GPR158: variants seen among roughly 807,000 people sequenced by gnomAD.
The protein encoded by GPR158 is metabotropic glycine receptor.
GPR158 carries 30 observed loss-of-function variants against 78.2 expected under a neutral mutation model. The observed-to-expected ratio is 0.38, with a 90% CI of 0.29 to 0.52. The LOEUF is 0.52. GPR158 is among the 20% of genes least tolerant of loss of function. The probability of loss-of-function intolerance (pLI) is 0.83; values close to 1 mark genes in which losing one functional copy is unlikely to be tolerated. For missense variants in GPR158, 1,463 were observed against 1,523.5 expected (o/e 0.96, Z 0.66); for synonymous variants, 581 against 591.1 (o/e 0.98, Z 0.25).
At chr10:25,429,159 A>G (rs1172084594) in intron 4 of GPR158, among the ~76,000 whole-genome samples, 1 of 152,072 alleles carries the variant, frequency 6.6e-6, no homozygotes, top group Non-Finnish European at 1.5e-5. Flanking sequence ...CTACTAGCCA[A>G]TTCTCAGGAA....
chr10:25,444,997 T>A (rs1358997638), intron 4 of GPR158, among the ~76,000 whole-genome samples: 1 of 152,116 alleles, frequency 6.6e-6, no homozygotes, highest in African/African-American at 2.4e-5. Flanking sequence ...TATTAATTAG[T>A]TGGGGGTAAA....
intron 2 of GPR158, among the ~76,000 whole-genome samples, chr10:25,343,656 C>G (rs1191687801): frequency 1.3e-5 from 2 of 151,884 alleles, no homozygotes; most frequent in Non-Finnish European, 2.9e-5. Flanking sequence ...GACTTAATCC[C>G]CAAAATGTTT....
At chr10:25,388,762 C>A (rs930289596) in intron 2 of GPR158, among the ~76,000 whole-genome samples, 1 of 152,230 alleles carries the variant, frequency 6.6e-6, no homozygotes, top group Non-Finnish European at 1.5e-5. Context: ...GTTGTGGCTG[C>A]AGACCCAGGC....
chr10:25,474,703 T>C (rs1378329849), intron 5 of GPR158, among the ~76,000 whole-genome samples: 1 of 152,126 alleles, frequency 6.6e-6, no homozygotes, highest in Admixed American at 6.6e-5. Context: ...TCTGCAGCAA[T>C]TAGCCCAGTG....
intron 5 of GPR158, among the ~76,000 whole-genome samples, chr10:25,502,065 C>T (rs371195693): frequency 5.9e-5 from 9 of 152,248 alleles, no homozygotes; most frequent in South Asian, 2.1e-4. Flanking sequence ...CTAGAAAACA[C>T]GCCCAGTGCC....
At chr10:25,260,079 T>A (rs1412900432) in intron 2 of GPR158, among the ~76,000 whole-genome samples, 1 of 152,180 alleles carries the variant, frequency 6.6e-6, no homozygotes, top group Non-Finnish European at 1.5e-5. Flanking sequence ...TGAATACAAG[T>A]AATAAGAATA....
At chr10:25,272,886 T>A (rs1854135990) in intron 2 of GPR158, among the ~76,000 whole-genome samples, 1 of 152,184 alleles carries the variant, frequency 6.6e-6, no homozygotes, top group Admixed American at 6.5e-5. Flanking sequence ...TCAGAACTCC[T>A]TTGAACCAAG....
In GPR158 at chr10:25,463,214, T is replaced by G. The variant is rs146962719; in HGVS notation, c.1336-3437T>G. Among the ~76,000 whole-genome samples the G allele has an allele frequency of 6.9e-3, 1,053 of 152,354 alleles. 7 individuals carry two copies. Among genetic ancestry groups the G allele is most frequent in the African/African-American group, 8.6e-3 (356 of 41,592 alleles). On this transcript the variant is annotated intron_variant, in intron 4 of 10. Coordinates refer to ENST00000376351, the MANE Select transcript of GPR158 (RefSeq NM_020752.3). ...GCATTTTTTAGCCATAAAGTATTTT[T>G]TTCCTTAAGGCAAGTACATTATTTT...
intron 4 of GPR158, among the ~76,000 whole-genome samples, chr10:25,429,753 C>T (rs1834873064): frequency 6.9e-6 from 1 of 144,780 alleles, no homozygotes; most frequent in South Asian, 2.3e-4. Flanking sequence ...GAACCAAAGA[C>T]AAAAACCACA....
At chr10:25,206,912 G>T (rs567496537) in intron 1 of GPR158, among the ~76,000 whole-genome samples, 1 of 150,226 alleles carries the variant, frequency 6.7e-6, no homozygotes, top group Non-Finnish European at 1.5e-5. Flanking sequence ...AAGACGTAAG[G>T]CTCCTAGATC....
chr10:25,594,648 T>C (rs1385075723), intron 9 of GPR158, among the ~76,000 whole-genome samples: 2 of 152,192 alleles, frequency 1.3e-5, no homozygotes, highest in African/African-American at 2.4e-5. Context: ...ATGTCTAGTA[T>C]GTTTTAATTA....
intron 4 of GPR158, among the ~76,000 whole-genome samples, chr10:25,432,684 C>T (rs1312734274): frequency 6.6e-6 from 1 of 152,126 alleles, no homozygotes; most frequent in Non-Finnish European, 1.5e-5. Context: ...TTATTATGTC[C>T]TAAGCACCAG....
chr10:25,353,200 T>C (rs1335894384), intron 2 of GPR158, among the ~76,000 whole-genome samples: 1 of 152,042 alleles, frequency 6.6e-6, no homozygotes, highest in Non-Finnish European at 1.5e-5. Context: ...TCCAATTTTT[T>C]ATTTAATAGT....
At position 25,176,091 on chromosome 10, in the gene GPR158, A is replaced by C; in HGVS notation, c.671A>C (p.His224Pro). The C allele has an allele frequency of 6.3e-7, 1 of 1,591,356 alleles. No homozygotes were observed. Among genetic ancestry groups the C allele is most frequent in the Non-Finnish European group, 8.5e-7 (1 of 1,169,744 alleles). ...ANATLETEWFHGLRRKWRPHL... is the reference protein window; with the variant it reads ...ANATLETEWFPGLRRKWRPHL... ...GCCACTCTGGAGACCGAGTGGTTCCACGGCCTCCGGCGCAAGTGGAGGCCC... is the reference window on the plus strand; with the variant it reads ...GCCACTCTGGAGACCGAGTGGTTCCCCGGCCTCCGGCGCAAGTGGAGGCCC... Residue 224 changes from histidine (H) to proline (P), a missense_variant, in exon 1 of 11, where the codon CAC becomes CCC. His to Pro is a moderately conservative substitution (Grantham distance 77, BLOSUM62 -2). Transcript: ENST00000376351. The surrounding 1 kb of genome is among the most constrained non-coding windows in gnomAD (Gnocchi z 6.3).
At chr10:25,589,300 AGTTT>A (rs1837310609) in intron 8 of GPR158, among the ~76,000 whole-genome samples, 155 bp downstream of exon 8, 2 of 152,342 alleles carry the variant, frequency 1.3e-5, no homozygotes, top group Admixed American at 6.5e-5. Context: ...GAAAATGAAT[AGTTT>A]GTTTTTAAAG....
chr10:25,559,261 C>T (rs1836830266), intron 6 of GPR158, among the ~76,000 whole-genome samples: 1 of 152,114 alleles, frequency 6.6e-6, no homozygotes, highest in African/African-American at 2.4e-5. Context: ...CTAATATAGC[C>T]ACTCCAGTTT....
intron 1 of GPR158, among the ~76,000 whole-genome samples, chr10:25,187,931 A>G (rs917770717): frequency 6.6e-6 from 1 of 152,246 alleles, no homozygotes; most frequent in Non-Finnish European, 1.5e-5. Flanking sequence ...CAACTTCAGC[A>G]AAGTCTCAGG....
intron 5 of GPR158, among the ~76,000 whole-genome samples, chr10:25,545,966 A>T (rs1306842202): frequency 6.6e-6 from 1 of 152,172 alleles, no homozygotes; most frequent in African/African-American, 2.4e-5. Flanking sequence ...AGGAGAGCTG[A>T]TGAGTGCAAC....
chr10:25,336,870 A>ACAATAAATT (rs1855215923), intron 2 of GPR158, among the ~76,000 whole-genome samples: 1 of 152,114 alleles, frequency 6.6e-6, no homozygotes, highest in African/African-American at 2.4e-5. Flanking sequence ...CTTTTATAAG[A>ACAATAAATT]CAATAAATTC....
Sources: allele counts gnomAD v4.1 joint callset (sites outside exome capture counted in the v4.1 genomes callset), GRCh38; gene constraint gnomAD v4.1.1; non-coding constraint Gnocchi (gnomAD v3.1); transcripts MANE v1.5; gene names NCBI Gene and HGNC (gene_info 2026-07-23, HGNC 2026-07-21).